The following UBA2 variants were observed in gnomAD, a reference collection of about 807,000 sequenced individuals.
UBA2 encodes the protein ubiquitin like modifier activating enzyme 2, also known as SUMO-activating enzyme subunit 2.
Under a neutral mutation model 77.2 loss-of-function variants are expected in UBA2, and 11 were observed. The observed-to-expected ratio is 0.14, with a 90% CI of 0.09 to 0.24. The LOEUF (loss-of-function observed/expected upper bound fraction) is 0.24. Among genes scored for constraint, UBA2 ranks in the 10% least tolerant of loss-of-function variants. The pLI, the probability that UBA2 is intolerant of heterozygous loss-of-function variation, is 1.00. For synonymous variants in UBA2, 278 were observed against 276.7 expected (o/e 1.00, Z -0.05); for missense variants, 487 against 781.7 (o/e 0.62, Z 4.50).
intron 2 of UBA2, among the ~76,000 whole-genome samples, chr19:34,431,550 C>T (rs2075255713): frequency 1.3e-5 from 2 of 152,064 alleles, no homozygotes; most frequent in Non-Finnish European, 2.9e-5. Flanking sequence ...TCAGTAAATA[C>T]TTGTTAAGTG....
At chr19:34,433,787 G>A (rs1441576611) in intron 4 of UBA2, among the ~76,000 whole-genome samples, 2 of 151,998 alleles carry the variant, frequency 1.3e-5, no homozygotes, top group African/African-American at 2.4e-5. Context: ...TGGTGAAACC[G>A]TCTCTACCAA....
At chr19:34,458,309 A>ACTTTGG (rs766191418) in intron 12 of UBA2, among the ~76,000 whole-genome samples, 285 of 151,978 alleles carry the variant, frequency 1.9e-3, no homozygotes, top group Non-Finnish European at 3.6e-3. Flanking sequence ...TAATCCCAGC[A>ACTTTGG]CTTTGGGAGG....
intron 12 of UBA2, among the ~76,000 whole-genome samples, chr19:34,456,998 T>A (rs1304928705): frequency 6.6e-6 from 1 of 151,190 alleles, no homozygotes; most frequent in Non-Finnish European, 1.5e-5. Flanking sequence ...CCGGTTTCTT[T>A]GCCTGCTTAG....
intron 8 of UBA2, 55 bp downstream of exon 8, chr19:34,445,176 ATT>A: frequency 6.5e-7 from 1 of 1,542,374 alleles, no homozygotes; most frequent in East Asian, 2.3e-5. Flanking sequence ...GCATAGATGT[ATT>A]GTTCTAGTTC....
chr19:34,448,392 C>CAAGACCAGCCT (rs1274143825), intron 8 of UBA2, among the ~76,000 whole-genome samples: 1 of 151,860 alleles, frequency 6.6e-6, no homozygotes, highest in Non-Finnish European at 1.5e-5. Context: ...GCCAGGAGCA[C>CAAGACCAGCCT]AAGACCAGCC....
chr19:34,452,062 A>G lies in UBA2; in HGVS notation c.953A>G (p.Tyr318Cys). ...KDQQVLDVKS[Y>C]ARLFSKSIET... ...CAGCAGGTTCTAGATGTAAAGAGCT[A>G]TGCACGTCTTTTTTCAAAGAGCATC... Residue 318 changes from tyrosine (Y) to cysteine (C), a missense_variant, in exon 10 of 17, where the codon TAT becomes TGT. Coordinates refer to ENST00000246548, the MANE Select transcript of UBA2 (RefSeq NM_005499.3). The G allele has an allele frequency of 1.2e-6, 2 of 1,612,038 alleles. No individual in the cohort carries two copies. Among genetic ancestry groups the G allele is most frequent in the African/African-American group, 1.3e-5 (1 of 75,014 alleles).
chr19:34,458,066 T>A (rs1167209652), intron 12 of UBA2, among the ~76,000 whole-genome samples: 1 of 152,166 alleles, frequency 6.6e-6, no homozygotes, highest in African/African-American at 2.4e-5. Context: ...GTGTTGGTCT[T>A]GTCAGGAGAT....
At chr19:34,454,179 G>A (rs1019519432) in intron 10 of UBA2, 81 bp from the exon 11 acceptor site, 42 of 1,232,292 alleles carry the variant, frequency 3.4e-5, no homozygotes, top group South Asian at 9.5e-5. Flanking sequence ...TTATAAACAC[G>A]TGAAAGTATT....
In UBA2 at chr19:34,454,460, T is replaced by C. The variant is rs1396510067; in HGVS notation, c.1149T>C (p.Ile383=). The change falls in exon 12 of 17, where the codon ATT becomes ATC. Residue 383 remains isoleucine, a synonymous_variant. Transcript: ENST00000246548. ...RFDIKSMAGN[I]IPAIATTNAV... is the part of the protein sequence containing the mutation. ...TTTTCCCAGCAATGGCAGGGAACAT[T>C]ATTCCTGCTATTGCTACTACTAATG... The C allele has an allele frequency of 6.2e-7, 1 of 1,600,044 alleles. No homozygotes were observed. The highest frequency in any genetic ancestry group is 1.1e-5 in the South Asian group (1 of 87,504).
chr19:34,434,824 A>G (rs2075291782), intron 4 of UBA2, 44 bp from the exon 5 acceptor site: 2 of 1,343,066 alleles, frequency 1.5e-6, no homozygotes, highest in East Asian at 5.2e-5. Context: ...AAGATAACTA[A>G]TTTTTTTTTT....
rs1312194437 is a variant in UBA2, at chr19:34,470,421, G to A, written c.*1200G>A. 6.6e-6 allele frequency: 1 copy of A among 152,282 alleles called. No individual in the cohort carries two copies. Among genetic ancestry groups the A allele is most frequent in the Non-Finnish European group, 1.5e-5 (1 of 68,086 alleles). The allele number at this position is 152,282 out of a possible 1,614,324, so 9.4% of individuals were successfully genotyped here. ...TCCAGCTACTCAGGAGGCTGAGGCA[G>A]GAGGATGGCTGGAGCCCAGAAGTTC... On this transcript the variant is annotated 3_prime_UTR_variant, in exon 17 of 17. Transcript: ENST00000246548.
intron 5 of UBA2, among the ~76,000 whole-genome samples, chr19:34,435,340 G>A (rs1366970615): frequency 1.3e-5 from 2 of 152,210 alleles, no homozygotes; most frequent in African/African-American, 4.8e-5. Context: ...AGAGGTTGCA[G>A]TAAGCTGAGA....
At chr19:34,442,683 G>A (rs987863318) in intron 6 of UBA2, among the ~76,000 whole-genome samples, 6 of 151,934 alleles carry the variant, frequency 3.9e-5, no homozygotes, top group Admixed American at 6.6e-5. Flanking sequence ...CACCCGCCTC[G>A]GCCTCCCAAA....
intron 2 of UBA2, 34 bp downstream of exon 2, chr19:34,430,693 G>C: frequency 6.5e-7 from 1 of 1,533,902 alleles, no homozygotes; most frequent in Non-Finnish European, 9.0e-7. Context: ...TCTATAACTT[G>C]ATGGAGCTTC....
intron 12 of UBA2, among the ~76,000 whole-genome samples, chr19:34,457,811 C>T (rs1398603365): frequency 6.6e-6 from 1 of 152,154 alleles, no homozygotes; most frequent in Non-Finnish European, 1.5e-5. Flanking sequence ...CTAGTGTTTT[C>T]TAAACTTTAG....
intron 5 of UBA2, among the ~76,000 whole-genome samples, chr19:34,435,578 C>G (rs934228844): frequency 2.0e-5 from 3 of 152,164 alleles, no homozygotes; most frequent in South Asian, 4.1e-4. Flanking sequence ...GCCTGTAATC[C>G]CAGCACTTTG....
rs573698861 is a variant in UBA2 at position 34,464,016 on chromosome 19, C to T, written c.1499-10C>T. The T allele has an allele frequency of 9.9e-5, 157 of 1,590,452 alleles. No homozygotes were observed. Among genetic ancestry groups the T allele is most frequent in the Non-Finnish European group, 1.2e-4 (142 of 1,158,770 alleles). On this transcript the variant is annotated splice_polypyrimidine_tract_variant and intron_variant, in intron 14 of 16. Transcript: ENST00000246548. Reference sequence around the variant, plus strand: ...GTAACTGAAGTATCTAAATTATTCACGTTTCCTAGCTAATAATCACAAGAA... The same window carrying T: ...GTAACTGAAGTATCTAAATTATTCATGTTTCCTAGCTAATAATCACAAGAA...
Position 34,463,278 on chromosome 19 carries a change from T to G in UBA2, c.1499-748T>G, listed in dbSNP as rs902137453. Among the ~76,000 whole-genome samples, 7 of 152,260 alleles carry G rather than the reference T, an allele frequency of 4.6e-5. No homozygotes were observed. In the East Asian group the frequency reaches 1.4e-3, roughly 29 times the overall value. ...AATGGGGAAAAGTTTTCAGAATTTC[T>G]CAGTTTGGTCCCCCTGAAGTAGTTT... On this transcript the variant is annotated intron_variant, in intron 14 of 16. Transcript: ENST00000246548.
chr19:34,458,952 C>G, intron 13 of UBA2, 28 bp downstream of exon 13: 4 of 1,600,362 alleles, frequency 2.5e-6, no homozygotes, highest in Non-Finnish European at 3.4e-6. Flanking sequence ...GTCTCTTTTC[C>G]TTTTGCTTTT....
Sources: allele counts gnomAD v4.1 joint callset (sites outside exome capture counted in the v4.1 genomes callset), GRCh38; gene constraint gnomAD v4.1.1; transcripts MANE v1.5; gene names NCBI Gene and HGNC (gene_info 2026-07-23, HGNC 2026-07-21).